Variants in RORB observed in about 807,000 individuals in gnomAD.
RORB encodes nuclear receptor ROR-beta.
RORB carries 6 observed loss-of-function variants against 59.1 expected under a neutral mutation model. The ratio of observed to expected loss-of-function variants is 0.10; its 90% CI spans 0.06 to 0.20. The LOEUF is 0.20. RORB is among the 10% of genes least tolerant of loss of function. The pLI, the probability that RORB is intolerant of heterozygous loss-of-function variation, is 1.00. For synonymous variants in RORB, 215 were observed against 204.5 expected (o/e 1.05, Z -0.44); for missense variants, 320 against 560.5 (o/e 0.57, Z 4.33).
chr9:74,580,966 C>A (rs969738899), intron 1 of RORB, among the ~76,000 whole-genome samples: 1 of 152,114 alleles, frequency 6.6e-6, no homozygotes, highest in African/African-American at 2.4e-5. Context: ...AAGTTTTGCC[C>A]CACCCAGCTG....
intron 2 of RORB, among the ~76,000 whole-genome samples, chr9:74,633,369 C>A (rs1823650950): frequency 6.6e-6 from 1 of 152,182 alleles, no homozygotes; most frequent in Non-Finnish European, 1.5e-5. Context: ...GTCAGGGGAT[C>A]TATTCCAGGC....
At chr9:74,591,610 G>A (rs1486533847) in intron 1 of RORB, among the ~76,000 whole-genome samples, 1 of 152,116 alleles carries the variant, frequency 6.6e-6, no homozygotes, top group Non-Finnish European at 1.5e-5. Context: ...TACTGCCCTA[G>A]TGTGATATGA....
chr9:74,628,617 T>A (rs746979917), intron 1 of RORB, among the ~76,000 whole-genome samples: 2 of 152,318 alleles, frequency 1.3e-5, no homozygotes, highest in South Asian at 2.1e-4. Flanking sequence ...TTGTCTTTTT[T>A]AAAAAATGTA....
In RORB at chr9:74,660,725, C is replaced by G. The variant is rs767017783; in HGVS notation, c.746C>G (p.Ala249Gly). 4.3e-6 allele frequency: 7 copies of G among 1,612,032 alleles called. No homozygotes were observed. The highest frequency in any genetic ancestry group is 5.9e-6 in the Non-Finnish European group (7 of 1,179,396). ...WQTHTYEEIK[A>G]YQSKSREALW... ...ACCCACACCTATGAAGAAATTAAAG[C>G]ATATCAAAGCAAGGTACTCTGGGAA... Residue 249 changes from alanine (A) to glycine (G), a missense_variant, in exon 5 of 10, where the codon GCA becomes GGA. Ala to Gly is a moderately conservative substitution (Grantham distance 60). Coordinates refer to ENST00000376896, the MANE Select transcript of RORB (RefSeq NM_006914.4).
intron 1 of RORB, among the ~76,000 whole-genome samples, chr9:74,593,188 C>T (rs765144607): frequency 4.6e-5 from 7 of 152,118 alleles, no homozygotes; most frequent in Middle Eastern, 3.4e-3. Context: ...AGGAAGAGGC[C>T]GGGCGCGGTG....
Position 74,564,690 on chromosome 9 carries a change from G to A in RORB, c.8-65592G>A, listed in dbSNP as rs114400582. Among the ~76,000 whole-genome samples, 196 of 152,170 alleles carry A rather than the reference G, an allele frequency of 1.3e-3. 1 individual carries two copies. The highest frequency in any genetic ancestry group is 4.3e-3 in the African/African-American group (177 of 41,528). ...AGGTAGGTAGAGTTAATGTAAACGTGGTTTTTATTTAAGTCTCCTTTTTAA... is the reference window on the plus strand; with the variant it reads ...AGGTAGGTAGAGTTAATGTAAACGTAGTTTTTATTTAAGTCTCCTTTTTAA... On this transcript the variant is annotated intron_variant, in intron 1 of 9. Transcript: ENST00000376896.
At chr9:74,630,547 T>C (rs1823598859) in intron 2 of RORB, among the ~76,000 whole-genome samples, 180 bp downstream of exon 2, 1 of 152,186 alleles carries the variant, frequency 6.6e-6, no homozygotes, top group Non-Finnish European at 1.5e-5. Context: ...GCCTTTTACC[T>C]TTTTGTTATT....
chr9:74,619,928 C>G (rs1040700349), intron 1 of RORB, among the ~76,000 whole-genome samples: 1 of 152,130 alleles, frequency 6.6e-6, no homozygotes, highest in African/African-American at 2.4e-5. Context: ...TGATGTGCTG[C>G]TGGATTCGGT....
chr9:74,685,282 G>GT (rs1824621722), intron 9 of RORB, among the ~76,000 whole-genome samples, 181 bp from the exon 10 acceptor site: 1 of 139,312 alleles, frequency 7.2e-6, no homozygotes, highest in Non-Finnish European at 1.5e-5. Context: ...GGGGGCGGGG[G>GT]TGGGTACGTT....
intron 1 of RORB, among the ~76,000 whole-genome samples, chr9:74,521,609 C>T (rs74816420): frequency 2.6e-5 from 4 of 151,800 alleles, no homozygotes; most frequent in East Asian, 2.0e-4. Flanking sequence ...AGAACTTTTC[C>T]GTAGGACTCT....
intron 1 of RORB, among the ~76,000 whole-genome samples, chr9:74,615,928 T>C (rs1317836626): frequency 2.6e-5 from 4 of 152,172 alleles, no homozygotes; most frequent in African/African-American, 7.2e-5. Context: ...TATACTAACA[T>C]TAGGTTAATC....
intron 1 of RORB, among the ~76,000 whole-genome samples, chr9:74,590,587 T>C (rs1307550275): frequency 2.6e-5 from 4 of 152,100 alleles, no homozygotes; most frequent in Admixed American, 6.6e-5. Flanking sequence ...GCAGGTTGAG[T>C]TGCACACAGC....
At chr9:74,568,927 T>TA (rs1196407562) in intron 1 of RORB, among the ~76,000 whole-genome samples, 1 of 152,002 alleles carries the variant, frequency 6.6e-6, no homozygotes, top group Non-Finnish European at 1.5e-5. Context: ...TATCAAATAT[T>TA]AAAAATCATA....
At chr9:74,511,293 T>A (rs1194905213) in intron 1 of RORB, among the ~76,000 whole-genome samples, 1 of 151,910 alleles carries the variant, frequency 6.6e-6, no homozygotes, top group Non-Finnish European at 1.5e-5. Flanking sequence ...ACATAAAGAC[T>A]AACAAAAAAT....
chr9:74,529,575 T>G (rs1165932044), intron 1 of RORB, among the ~76,000 whole-genome samples: 1 of 151,640 alleles, frequency 6.6e-6, no homozygotes, highest in African/African-American at 2.4e-5. Context: ...TAAAATATAC[T>G]ATTAATAAAT....
intron 1 of RORB, among the ~76,000 whole-genome samples, chr9:74,571,349 C>A (rs1444820260): frequency 6.6e-6 from 1 of 150,500 alleles, no homozygotes; most frequent in Non-Finnish European, 1.5e-5. Context: ...TAGTACACAG[C>A]AGAGAGTACT....
chr9:74,572,264 T>C (rs928562785), intron 1 of RORB, among the ~76,000 whole-genome samples: 6 of 152,164 alleles, frequency 3.9e-5, no homozygotes, highest in Non-Finnish European at 8.8e-5. Flanking sequence ...GGAAGATGGT[T>C]ATGATGGGTA....
rs938476465 is a variant in RORB, at chr9:74,528,893, G to A, written c.7+30910G>A. Reference sequence around the variant, plus strand: ...TTTTCCATGAGGAAATGAGACTAAGGTAGGTTAAATAACATTCCTAAGCTT... The same window carrying A: ...TTTTCCATGAGGAAATGAGACTAAGATAGGTTAAATAACATTCCTAAGCTT... On this transcript the variant is annotated intron_variant, in intron 1 of 9. Transcript: ENST00000376896. Among the ~76,000 whole-genome samples the A allele has an allele frequency of 2.0e-5, 3 of 152,110 alleles. No homozygotes were observed. In the East Asian group the frequency reaches 5.8e-4, roughly 30 times the overall value.
chr9:74,523,157 CTGTT>C (rs1420159164), intron 1 of RORB, among the ~76,000 whole-genome samples: 3 of 151,654 alleles, frequency 2.0e-5, no homozygotes, highest in East Asian at 1.9e-4. Flanking sequence ...TCTTACAAGT[CTGTT>C]TGTTTTCTGT....
Sources: gnomAD v4.1 joint callset for allele counts (sites outside exome capture counted in the v4.1 genomes callset) on GRCh38, gnomAD v4.1.1 for gene constraint, MANE v1.5 for transcripts, NCBI Gene and HGNC (gene_info 2026-07-23, HGNC 2026-07-21) for gene names.